Variants in TMEM131 observed in about 807,000 individuals in gnomAD.
TMEM131 encodes the protein 2610524E03Rik.
A neutral mutation model predicts 211.6 loss-of-function variants in TMEM131; 66 were observed. The observed-to-expected ratio is 0.31, with a 90% confidence interval of 0.26 to 0.38. The LOEUF (loss-of-function observed/expected upper bound fraction) is 0.38, where lower values mean the gene tolerates loss of function less well. TMEM131 is among the 10% of genes least tolerant of loss of function. The pLI, the probability that TMEM131 is intolerant of heterozygous loss-of-function variation, is 1.00. For synonymous variants in TMEM131, 844 were observed against 841.3 expected, an observed-to-expected ratio of 1.00 and a Z score of -0.06; for missense variants, 2,036 against 2,299.3, an observed-to-expected ratio of 0.89 and a Z score of 2.34.
At chr2:97,804,478 C>T (rs962942828) in intron 22 of TMEM131, among the ~76,000 whole-genome samples, 4 of 152,014 alleles carry the variant, frequency 2.6e-5, no homozygotes, top group African/African-American at 7.3e-5. Flanking sequence ...TCCTGGCCAA[C>T]ATGGTGAAAC....
At chr2:97,794,679 T>A (rs941778842) in intron 29 of TMEM131, among the ~76,000 whole-genome samples, 1 of 152,220 alleles carries the variant, frequency 6.6e-6, no homozygotes, top group African/African-American at 2.4e-5. Context: ...CTGAGCATTT[T>A]AAAAAGATGT....
At chr2:97,804,201 T>C (rs1681171474) in intron 22 of TMEM131, among the ~76,000 whole-genome samples, 1 of 152,178 alleles carries the variant, frequency 6.6e-6, no homozygotes, top group Admixed American at 6.5e-5. Flanking sequence ...TTTTCTGAAG[T>C]ACATGAAAAG....
chr2:97,937,935 T>C (rs1248366137), intron 1 of TMEM131, among the ~76,000 whole-genome samples: 2 of 152,138 alleles, frequency 1.3e-5, no homozygotes, highest in Non-Finnish European at 2.9e-5. Context: ...CTAAACTTCG[T>C]AAGTGAAAGA....
At chr2:97,953,706 A>T (rs1258303313) in intron 1 of TMEM131, among the ~76,000 whole-genome samples, 2 of 152,164 alleles carry the variant, frequency 1.3e-5, no homozygotes, top group Non-Finnish European at 2.9e-5. Flanking sequence ...CAGAATATTC[A>T]TTCCCTTTAA....
At chr2:97,890,063 G>A (rs1258356513) in intron 3 of TMEM131, among the ~76,000 whole-genome samples, 2 of 152,216 alleles carry the variant, frequency 1.3e-5, no homozygotes, top group African/African-American at 4.8e-5. Flanking sequence ...TGAACAAGGA[G>A]GCTGAAGTGA....
intron 31 of TMEM131, among the ~76,000 whole-genome samples, chr2:97,789,528 C>T (rs1001334391): frequency 2.0e-5 from 3 of 152,216 alleles, no homozygotes; most frequent in African/African-American, 7.2e-5. Context: ...TCTCCCAAGT[C>T]ACACAGTTAG....
chr2:97,860,755 C>T (rs991371234), intron 4 of TMEM131, among the ~76,000 whole-genome samples: 2 of 152,172 alleles, frequency 1.3e-5, no homozygotes, highest in Admixed American at 6.5e-5. Flanking sequence ...CCCTTCTCCC[C>T]ACAGAAATAC....
At chr2:97,966,170 C>T (rs57434542) in intron 1 of TMEM131, among the ~76,000 whole-genome samples, 3,797 of 151,684 alleles carry the variant, frequency 0.025, 164 homozygotes, top group African/African-American at 0.088. Context: ...GCTGACAATG[C>T]ATACACTGAA....
chr2:97,915,133 T>C (rs1229052210), intron 2 of TMEM131, among the ~76,000 whole-genome samples: 1 of 152,250 alleles, frequency 6.6e-6, no homozygotes, highest in African/African-American at 2.4e-5. Context: ...TTACCATCTG[T>C]ATTTCCCCTT....
In TMEM131 at chr2:97,834,914, A is replaced by G; in HGVS notation, c.816T>C (p.Pro272=). The change falls in exon 9 of 41, where the codon CCT becomes CCC. Residue 272 remains proline (P), a synonymous_variant. Coordinates refer to ENST00000186436, the MANE Select transcript of TMEM131 (RefSeq NM_015348.2). ...CTCTCATCACTCCCTTGGTTTCATA[A>G]GGAGGAATTTCCTGACAAGTTAACA... ...GGTRKLWEIP[P]YETKGVMRAS... 1.2e-6 allele frequency: 2 copies of G among 1,613,674 alleles called. No individual in the cohort carries two copies. Among genetic ancestry groups the G allele is most frequent in the Non-Finnish European group, 1.7e-6 (2 of 1,179,764 alleles).
chr2:97,847,086 G>C (rs1398413197), intron 5 of TMEM131, among the ~76,000 whole-genome samples: 4 of 80,152 alleles, frequency 5.0e-5, no homozygotes, highest in Non-Finnish European at 8.8e-5. Context: ...GGGGGGGGGG[G>C]GCCGAGGCAG....
chr2:97,822,221 T>G (rs1682158237), intron 11 of TMEM131, among the ~76,000 whole-genome samples: 1 of 151,812 alleles, frequency 6.6e-6, no homozygotes, highest in African/African-American at 2.4e-5. Context: ...GCACCTGGAC[T>G]CACCAATCAA....
At chr2:97,767,415 T>C (rs1159953153) in intron 33 of TMEM131, among the ~76,000 whole-genome samples, 1 of 152,178 alleles carries the variant, frequency 6.6e-6, no homozygotes, top group East Asian at 1.9e-4. Flanking sequence ...GTAGAATACC[T>C]ATATGGGCTA....
intron 31 of TMEM131, among the ~76,000 whole-genome samples, chr2:97,781,617 C>A (rs558102123): frequency 1.4e-4 from 22 of 152,328 alleles, no homozygotes; most frequent in African/African-American, 4.8e-4. Flanking sequence ...TGGAGACTTA[C>A]ACTTTTGGGA....
intron 30 of TMEM131, 109 bp from the exon 31 acceptor site, chr2:97,793,093 G>C (rs1158321971): frequency 3.4e-5 from 28 of 827,568 alleles, no homozygotes; most frequent in Non-Finnish European, 4.7e-5. Context: ...AACTACACTA[G>C]GGAAAAAATA....
chr2:97,820,505 C>G (rs1389420438), intron 11 of TMEM131, among the ~76,000 whole-genome samples: 1 of 152,104 alleles, frequency 6.6e-6, no homozygotes, highest in Non-Finnish European at 1.5e-5. Context: ...GGATGTTTAA[C>G]TAGAGATGTG....
At chr2:97,930,286 AC>A (rs1677165106) in intron 1 of TMEM131, among the ~76,000 whole-genome samples, 2 of 151,932 alleles carry the variant, frequency 1.3e-5, no homozygotes, top group South Asian at 4.1e-4. Context: ...TTCCAATAGA[AC>A]GACCACTGAA....
chr2:97,775,528 A>G (rs911996787), intron 32 of TMEM131, among the ~76,000 whole-genome samples: 2 of 152,198 alleles, frequency 1.3e-5, no homozygotes, highest in Non-Finnish European at 2.9e-5. Context: ...ATGAGGTAGA[A>G]TAGTTACTAT....
chr2:97,993,838 A>C (rs1680367196), intron 1 of TMEM131, among the ~76,000 whole-genome samples: 1 of 152,246 alleles, frequency 6.6e-6, no homozygotes, highest in Non-Finnish European at 1.5e-5. Flanking sequence ...TGTTTACTTA[A>C]CTTTACCCAG....
Sources: allele counts gnomAD v4.1 joint callset (sites outside exome capture counted in the v4.1 genomes callset), GRCh38; gene constraint gnomAD v4.1.1; transcripts MANE v1.5; gene names NCBI Gene and HGNC (gene_info 2026-07-23, HGNC 2026-07-21).